The following PRKG2 variants were observed in gnomAD, a reference collection of about 807,000 sequenced individuals.
The protein encoded by PRKG2 is cGMP-dependent protein kinase 2.
A neutral mutation model predicts 97.2 loss-of-function variants in PRKG2; 33 were observed. That is an observed-to-expected ratio of 0.34 (90% confidence interval 0.26 to 0.45). The LOEUF is 0.45. PRKG2 is among the 20% of genes least tolerant of loss of function. The pLI, the probability that PRKG2 is intolerant of heterozygous loss-of-function variation, is 1.00. For missense variants in PRKG2, 638 were observed against 900.0 expected (o/e 0.71, Z 3.73); for synonymous variants, 330 against 321.8 (o/e 1.03, Z -0.27).
chr4:81,161,035 T>C (rs1047520364), intron 6 of PRKG2, among the ~76,000 whole-genome samples: 2 of 152,196 alleles, frequency 1.3e-5, no homozygotes, highest in Non-Finnish European at 2.9e-5. Context: ...TGTTTTTCTT[T>C]TAGACTTGAA....
chr4:81,214,267 C>A (rs1754158874), intron 1 of PRKG2, among the ~76,000 whole-genome samples: 1 of 151,856 alleles, frequency 6.6e-6, no homozygotes, highest in Non-Finnish European at 1.5e-5. Flanking sequence ...ACCCTTCCTA[C>A]CTACTAATTC....
At chr4:81,168,616 A>C (rs1750197768) in intron 5 of PRKG2, among the ~76,000 whole-genome samples, 1 of 152,194 alleles carries the variant, frequency 6.6e-6, no homozygotes, top group Non-Finnish European at 1.5e-5. Flanking sequence ...GAGATCACCT[A>C]GATTCAAGTG....
chr4:81,134,081 G>T (rs528086729), intron 14 of PRKG2, among the ~76,000 whole-genome samples: 146 of 152,226 alleles, frequency 9.6e-4, no homozygotes, highest in African/African-American at 3.4e-3. Flanking sequence ...ATAAAATAAA[G>T]CTTGAATGAT....
Position 81,143,964 on chromosome 4 carries a change from C to T in PRKG2, c.1253+268G>A, listed in dbSNP as rs551842010. Among the ~76,000 whole-genome samples, 12 of 152,196 alleles carry T rather than the reference C, an allele frequency of 7.9e-5. 1 individual carries two copies. In the South Asian group the frequency reaches 2.3e-3, roughly 29 times the overall value. On this transcript the variant is annotated intron_variant, in intron 10 of 18. Coordinates refer to ENST00000264399, the MANE Select transcript of PRKG2 (RefSeq NM_006259.3). Reference sequence around the variant, plus strand: ...AGTCACCAGGCAACATAAAATATCCCTTTTGTAAGGCCCTGGATTAGAACA... The same window carrying T: ...AGTCACCAGGCAACATAAAATATCCTTTTTGTAAGGCCCTGGATTAGAACA...
chr4:81,158,066 G>C (rs1170971915), intron 6 of PRKG2, among the ~76,000 whole-genome samples: 2 of 148,764 alleles, frequency 1.3e-5, no homozygotes. Flanking sequence ...CATAGTGTTG[G>C]AAGTTCTGGC....
At chr4:81,162,950 A>C (rs542510026) in intron 6 of PRKG2, among the ~76,000 whole-genome samples, 2 of 152,284 alleles carry the variant, frequency 1.3e-5, no homozygotes, top group African/African-American at 4.8e-5. Context: ...GCTGTTCTTC[A>C]GTTATTATGA....
intron 2 of PRKG2, among the ~76,000 whole-genome samples, chr4:81,191,563 TC>T (rs2110112725): frequency 6.6e-6 from 1 of 152,038 alleles, no homozygotes; most frequent in East Asian, 1.9e-4. Context: ...TGCACGTGTA[TC>T]CCAGAACTTA....
upstream of PRKG2, among the ~76,000 whole-genome samples, chr4:81,215,295 T>C (rs1345115214): frequency 6.6e-6 from 1 of 152,160 alleles, no homozygotes; most frequent in East Asian, 1.9e-4. Context: ...GGCTACTGCC[T>C]GGATAGTTGG....
At chr4:81,122,716 T>A (rs557031613) in intron 14 of PRKG2, among the ~76,000 whole-genome samples, 8 of 152,160 alleles carry the variant, frequency 5.3e-5, no homozygotes, top group Non-Finnish European at 1.0e-4. Flanking sequence ...CTCATAGATA[T>A]TGCCAAGAAT....
chr4:81,104,168 G>T (rs1264037857), intron 17 of PRKG2, among the ~76,000 whole-genome samples: 1 of 152,200 alleles, frequency 6.6e-6, no homozygotes, highest in East Asian at 1.9e-4. Context: ...TTCTTGATAC[G>T]AATTTCCAGC....
chr4:81,208,167 T>C (rs1753779977), intron 1 of PRKG2, among the ~76,000 whole-genome samples: 1 of 152,186 alleles, frequency 6.6e-6, no homozygotes, highest in Admixed American at 6.5e-5. Context: ...CCTAAAAATC[T>C]TTGAGTCTTA....
At chr4:81,140,763 G>C in intron 11 of PRKG2, 94 bp from the exon 12 acceptor site, 3 of 1,126,676 alleles carry the variant, frequency 2.7e-6, no homozygotes, top group South Asian at 1.8e-5. Flanking sequence ...TGTTTAATTA[G>C]TATGGAAGCC....
chr4:81,123,227 G>T (rs1477130615), intron 14 of PRKG2, among the ~76,000 whole-genome samples: 2 of 152,064 alleles, frequency 1.3e-5, no homozygotes, highest in Non-Finnish European at 2.9e-5. Flanking sequence ...TATTTTTGAA[G>T]AATTTTATTA....
intron 8 of PRKG2, among the ~76,000 whole-genome samples, chr4:81,149,895 C>A (rs566054324): frequency 6.6e-6 from 1 of 152,270 alleles, no homozygotes; most frequent in South Asian, 2.1e-4. Context: ...AGGAAAAACA[C>A]TGGCAGCCCA....
intron 17 of PRKG2, among the ~76,000 whole-genome samples, chr4:81,100,168 C>T (rs904011495): frequency 2.4e-4 from 36 of 151,844 alleles, no homozygotes; most frequent in Non-Finnish European, 4.4e-4. Flanking sequence ...AATGCCATCT[C>T]CATCAAGCTA....
chr4:81,189,545 G>A (rs1414164508), intron 2 of PRKG2, among the ~76,000 whole-genome samples: 3 of 149,744 alleles, frequency 2.0e-5, no homozygotes. Context: ...CTCACTCATA[G>A]GTGGGAATTG....
intron 15 of PRKG2, among the ~76,000 whole-genome samples, chr4:81,108,146 A>T (rs187867501): frequency 6.6e-6 from 1 of 152,288 alleles, no homozygotes. Flanking sequence ...CAGAGGTTGC[A>T]GTGAGCTGAG....
At chr4:81,164,464 C>T (rs917465729) in intron 6 of PRKG2, among the ~76,000 whole-genome samples, 1 of 151,848 alleles carries the variant, frequency 6.6e-6, no homozygotes, top group Non-Finnish European at 1.5e-5. Context: ...AAAAAAAATC[C>T]TGGTTTATGC....
chr4:81,146,812 GGCT>G (rs1747898464), intron 9 of PRKG2, among the ~76,000 whole-genome samples: 1 of 152,112 alleles, frequency 6.6e-6, no homozygotes, highest in Non-Finnish European at 1.5e-5. Context: ...AGGGTATAAA[GGCT>G]GCTATGAGAG....
Sources: allele counts gnomAD v4.1 joint callset (sites outside exome capture counted in the v4.1 genomes callset), GRCh38; gene constraint gnomAD v4.1.1; transcripts MANE v1.5; gene names NCBI Gene and HGNC (gene_info 2026-07-23, HGNC 2026-07-21).